Variants in SPG11 observed in about 807,000 individuals in gnomAD.
SPG11 encodes the protein spatacsin.
A neutral mutation model predicts 274.0 loss-of-function variants in SPG11; 222 were observed. The observed-to-expected ratio is 0.81, with a 90% CI of 0.73 to 0.91. SPG11 has a LOEUF of 0.91. SPG11 is among the 40% of genes least tolerant of loss of function. The pLI, the probability that SPG11 is intolerant of heterozygous loss-of-function variation, is 0.00. For missense variants in SPG11, 3,114 were observed against 2,872.7 expected, an observed-to-expected ratio of 1.08 and a Z score of -1.92; for synonymous variants, 1,144 against 1,039.7, an observed-to-expected ratio of 1.10 and a Z score of -1.93.
intron 38 of SPG11, among the ~76,000 whole-genome samples, chr15:44,565,366 G>A (rs1007751033): frequency 1.3e-5 from 2 of 152,216 alleles, no homozygotes; most frequent in African/African-American, 2.4e-5. Flanking sequence ...GTTTCGGGAT[G>A]AAAATGTTCC....
chr15:44,661,468 T>C lies in SPG11; in HGVS notation c.258-852A>G, dbSNP rs556428096. Among the ~76,000 whole-genome samples, 27 of 152,236 alleles carry C rather than the reference T, an allele frequency of 1.8e-4. No individual in the cohort carries two copies. The South Asian group carries it at 5.0e-3, about 28-fold the overall frequency. On this transcript the variant is annotated intron_variant, in intron 1 of 39. Transcript: ENST00000261866. The stretch of plus-strand genomic sequence containing the variant: ...GAAGTAGTGTTTTATACTTCTAGAG[T>C]AGTATATAAAACTACTGTGGTACAT...
chr15:44,572,389 T>C (rs539734157), intron 33 of SPG11: 4 of 391,726 alleles, frequency 1.0e-5, no homozygotes, highest in Admixed American at 3.7e-5. Context: ...AAGGTAAAGT[T>C]TGTCTCCCTT....
Position 44,663,653 on chromosome 15 carries a change from C to T in SPG11, c.-6G>A. On this transcript the variant is annotated 5_prime_UTR_variant, in exon 1 of 40. Transcript: ENST00000261866. ...ACCCCTTCCTCTGCAGCCATCTTGG[C>T]CCGGCGGTTACTTCCGGTCACTTTC... 1 of 1,590,096 alleles carries T rather than the reference C, an allele frequency of 6.3e-7. No individual in the cohort carries two copies. The highest frequency in any genetic ancestry group is 8.5e-7 in the Non-Finnish European group (1 of 1,174,692).
In SPG11 at chr15:44,573,655, T is replaced by C; in HGVS notation, c.6097A>G (p.Lys2033Glu). 6.2e-7 allele frequency: 1 copy of C among 1,614,240 alleles called. No individual in the cohort carries two copies. Among genetic ancestry groups the C allele is most frequent in the South Asian group, 1.1e-5 (1 of 91,090 alleles). The change falls in exon 32 of 40, where the codon AAA (lysine) becomes GAA (glutamate). Residue 2033 changes from lysine (K) to glutamate (E), a missense_variant. Coordinates refer to ENST00000261866, the MANE Select transcript of SPG11 (RefSeq NM_025137.4). ...ILASQQPDRC[K>E]RAQAFISTQG... ...GTGCTGATGAAGGCCTGGGCTCGTTTGCATCGGTCAGGCTGCTGAGAGGCC... is the reference window on the plus strand; with the variant it reads ...GTGCTGATGAAGGCCTGGGCTCGTTCGCATCGGTCAGGCTGCTGAGAGGCC...
rs887498841 is a variant in SPG11, at chr15:44,633,193, G to A, written c.1735+312C>T. Among the ~76,000 whole-genome samples, 7 of 151,544 alleles carry A rather than the reference G, an allele frequency of 4.6e-5. No individual in the cohort carries two copies. The South Asian group carries it at 1.0e-3, about 23-fold the overall frequency. On this transcript the variant is annotated intron_variant, in intron 8 of 39. Coordinates refer to ENST00000261866, the MANE Select transcript of SPG11 (RefSeq NM_025137.4). Reference sequence around the variant, plus strand: ...TTCTCTACAAAGAATAGCTGAGTGTGGTGGCATACACGTGTAGTCCCAGCT... The same window carrying A: ...TTCTCTACAAAGAATAGCTGAGTGTAGTGGCATACACGTGTAGTCCCAGCT...
intron 15 of SPG11, among the ~76,000 whole-genome samples, chr15:44,619,383 A>T (rs1207568970): frequency 6.6e-6 from 1 of 152,204 alleles, no homozygotes; most frequent in Non-Finnish European, 1.5e-5. Context: ...GTCATTTTTG[A>T]CCCACACAAA....
chr15:44,563,429 G>A (rs1199911468), intron 39 of SPG11, 128 bp from the exon 40 acceptor site: 4 of 776,986 alleles, frequency 5.1e-6, no homozygotes, highest in African/African-American at 3.4e-5. Flanking sequence ...ACCTCCACCT[G>A]CTGGGTTCAA....
At chr15:44,622,372 G>C (rs1443863784) in intron 12 of SPG11, 25 bp from the exon 13 acceptor site, 3 of 1,510,094 alleles carry the variant, frequency 2.0e-6, no homozygotes, top group African/African-American at 1.4e-5. Context: ...AATTAAAGCA[G>C]TGACTTTACA....
At chr15:44,575,493 C>CTTTTTTTT in intron 30 of SPG11, among the ~76,000 whole-genome samples, 1 of 138,460 alleles carries the variant, frequency 7.2e-6, no homozygotes, top group Non-Finnish European at 1.6e-5. Context: ...CTCCAACATA[C>CTTTTTTTT]TTTTTTTTTT....
Position 44,571,279 on chromosome 15 carries a change from C to T in SPG11, c.6344-621G>A, listed in dbSNP as rs183081018. Among the ~76,000 whole-genome samples the T allele has an allele frequency of 2.7e-3, 414 of 152,188 alleles. 3 individuals are homozygous for T. The highest frequency in any genetic ancestry group is 4.4e-3 in the Admixed American group (68 of 15,288). ...TCCTAAGCATCCCTGACAATGAATC[C>T]TTCAGGCCTTCGTTTGGACATTTCG... On this transcript the variant is annotated intron_variant, in intron 33 of 39. Transcript: ENST00000261866.
At chr15:44,580,989 C>T (rs1224262624) in intron 30 of SPG11, among the ~76,000 whole-genome samples, 3 of 151,750 alleles carry the variant, frequency 2.0e-5, no homozygotes, top group Non-Finnish European at 4.4e-5. Flanking sequence ...CTCAGTAAAC[C>T]CCAAATAGAA....
rs924818735 is a variant in SPG11, at chr15:44,606,152, A to C, written c.3454-61T>G. Reference sequence around the variant, plus strand: ...TCACTGATTATAAAATAGGTAAAAAAAATTATATGAAAGGACTTCAGAGGT... The same window carrying C: ...TCACTGATTATAAAATAGGTAAAAACAATTATATGAAAGGACTTCAGAGGT... On this transcript the variant is annotated intron_variant, in intron 19 of 39. Coordinates refer to ENST00000261866, the MANE Select transcript of SPG11 (RefSeq NM_025137.4). The C allele has an allele frequency of 7.5e-6, 11 of 1,473,034 alleles. No individual in the cohort carries two copies. In the African/African-American group the frequency reaches 1.3e-4, roughly 17 times the overall value. The allele number at this position is 1,473,034 out of a possible 1,614,324, so 91.2% of individuals were successfully genotyped here. A position where few individuals can be genotyped will look rare whatever the true frequency, so the allele number is the denominator to read the frequency against.
chr15:44,581,980 G>T (rs2082666905), intron 30 of SPG11, among the ~76,000 whole-genome samples: 1 of 152,086 alleles, frequency 6.6e-6, no homozygotes, highest in African/African-American at 2.4e-5. Context: ...AAAAGCAGAA[G>T]AAAAAGTTTC....
rs187542787 is a variant in SPG11 at position 44,627,090 on chromosome 15, T to C, written c.2068-583A>G. On this transcript the variant is annotated intron_variant, in intron 10 of 39. Coordinates refer to ENST00000261866, the MANE Select transcript of SPG11 (RefSeq NM_025137.4). ...AGCCTTGCGTTTGAGGTAGATTTTA[T>C]CCTGAAACTACGTGGAGCCACTGAA... 3.5e-4 allele frequency among the ~76,000 whole-genome samples: 54 copies of C among 152,228 alleles called. 1 individual carries two copies. The East Asian group carries it at 0.01, about 29-fold the overall frequency.
chr15:44,645,584 A>C (rs2084583857), intron 7 of SPG11, among the ~76,000 whole-genome samples: 1 of 152,214 alleles, frequency 6.6e-6, no homozygotes, highest in Non-Finnish European at 1.5e-5. Context: ...AAAGACACCA[A>C]AAGCAATTGC....
chr15:44,571,418 C>T (rs919293101), intron 33 of SPG11, among the ~76,000 whole-genome samples: 1 of 151,254 alleles, frequency 6.6e-6, no homozygotes, highest in African/African-American at 2.4e-5. Context: ...GTGTCTGGCA[C>T]AAAGTTGGCA....
chr15:44,652,097 C>T (rs370146479), intron 5 of SPG11, 32 bp downstream of exon 5: 3 of 1,612,994 alleles, frequency 1.9e-6, no homozygotes, highest in African/African-American at 2.7e-5. Flanking sequence ...AAAATAAGAA[C>T]AATAAACTAC....
intron 30 of SPG11, among the ~76,000 whole-genome samples, chr15:44,575,724 G>A (rs1161007068): frequency 6.6e-6 from 1 of 152,016 alleles, no homozygotes; most frequent in East Asian, 1.9e-4. Flanking sequence ...CAAACTCCTG[G>A]CCTCAACTGA....
chr15:44,563,783 T>G (rs1444698280), intron 39 of SPG11, among the ~76,000 whole-genome samples: 1 of 152,160 alleles, frequency 6.6e-6, no homozygotes, highest in Non-Finnish European at 1.5e-5. Context: ...TGCACCACTG[T>G]GCCCACCTTA....
Sources: gnomAD v4.1 joint callset for allele counts (sites outside exome capture counted in the v4.1 genomes callset) on GRCh38, gnomAD v4.1.1 for gene constraint, MANE v1.5 for transcripts, NCBI Gene and HGNC (gene_info 2026-07-23, HGNC 2026-07-21) for gene names.